FRMD4A: variants seen among roughly 807,000 people sequenced by gnomAD.
The protein encoded by FRMD4A is FERM domain-containing protein 4A.
FRMD4A carries 29 observed loss-of-function variants against 129.1 expected under a neutral mutation model. The observed-to-expected ratio is 0.22, with a 90% confidence interval of 0.17 to 0.31. The LOEUF (loss-of-function observed/expected upper bound fraction) is 0.31. Among genes scored for constraint, FRMD4A ranks in the 10% least tolerant of loss-of-function variants. The probability of loss-of-function intolerance (pLI) is 1.00; values close to 1 mark genes in which losing one functional copy is unlikely to be tolerated. For missense variants in FRMD4A, 1,272 were observed against 1,375.8 expected, an observed-to-expected ratio of 0.92 and a Z score of 1.19; for synonymous variants, 634 against 571.6, an observed-to-expected ratio of 1.11 and a Z score of -1.56.
At chr10:14,157,593 C>G (rs1840667145) in intron 2 of FRMD4A, among the ~76,000 whole-genome samples, 1 of 152,176 alleles carries the variant, frequency 6.6e-6, no homozygotes, top group Non-Finnish European at 1.5e-5. Context: ...CAGAGTCCAG[C>G]CAACACAGCC....
At chr10:14,066,306 G>C (rs546480922) in intron 2 of FRMD4A, among the ~76,000 whole-genome samples, 1 of 151,918 alleles carries the variant, frequency 6.6e-6, no homozygotes, top group African/African-American at 2.4e-5. Context: ...ACTTCCTCTT[G>C]GTGGGGGGTG....
intron 2 of FRMD4A, among the ~76,000 whole-genome samples, chr10:14,262,939 A>G (rs1450623314): frequency 6.6e-6 from 1 of 152,192 alleles, no homozygotes; most frequent in Non-Finnish European, 1.5e-5. Flanking sequence ...GCAAGCCATG[A>G]AAGAAGCAAA....
rs926149161 is a variant in FRMD4A at position 13,963,290 on chromosome 10, T to C, written c.46-104378A>G. Among the ~76,000 whole-genome samples, 49 of 84,750 alleles carry C rather than the reference T, an allele frequency of 5.8e-4. 1 individual carries two copies. Among genetic ancestry groups the C allele is most frequent in the African/African-American group, 2.1e-3 (47 of 22,586 alleles). The allele number at this position is 84,750 out of a possible 152,430, so 55.6% of individuals were successfully genotyped here. A position where few individuals can be genotyped will look rare whatever the true frequency, so the allele number is the denominator to read the frequency against. ...GCCTCTTTTTTTTTTTTTTTTTTTT[T>C]CAACCACATATGTTGTAGATAATCA... On this transcript the variant is annotated intron_variant, in intron 2 of 24. Transcript: ENST00000357447.
At chr10:13,805,862 ATT>A (rs11339023) in intron 4 of FRMD4A, among the ~76,000 whole-genome samples, 92 of 145,626 alleles carry the variant, frequency 6.3e-4, no homozygotes, top group African/African-American at 7.9e-4. Context: ...CTAATTTTTA[ATT>A]TTTTTTTTTT....
At chr10:13,850,432 T>C (rs1284155974) in intron 3 of FRMD4A, among the ~76,000 whole-genome samples, 2 of 152,280 alleles carry the variant, frequency 1.3e-5, no homozygotes, top group East Asian at 1.9e-4. Context: ...AAGGCGACCA[T>C]TATTTCATCC....
chr10:13,850,307 A>G (rs767037975), intron 3 of FRMD4A, among the ~76,000 whole-genome samples: 1 of 152,184 alleles, frequency 6.6e-6, no homozygotes, highest in Non-Finnish European at 1.5e-5. Context: ...AGCCCATAAT[A>G]GCCCAGACTA....
At chr10:13,786,344 C>T (rs895112778) in intron 5 of FRMD4A, among the ~76,000 whole-genome samples, 3 of 152,202 alleles carry the variant, frequency 2.0e-5, no homozygotes, top group African/African-American at 7.2e-5. Context: ...GTAGCTCATG[C>T]CTGTAATCCC....
chr10:14,022,084 G>T (rs1325160721), intron 2 of FRMD4A, among the ~76,000 whole-genome samples: 1 of 152,158 alleles, frequency 6.6e-6, no homozygotes, highest in Non-Finnish European at 1.5e-5. Flanking sequence ...TGCCATGGAG[G>T]TTACAAAGGT....
At chr10:13,659,567 A>C in intron 20 of FRMD4A, 77 bp from the exon 21 acceptor site, 4 of 1,419,636 alleles carry the variant, frequency 2.8e-6, no homozygotes, top group Non-Finnish European at 3.9e-6. Flanking sequence ...GTTCAGGACA[A>C]TGATCCCAGC....
chr10:14,189,760 C>T (rs1450959345), intron 2 of FRMD4A, among the ~76,000 whole-genome samples: 1 of 152,204 alleles, frequency 6.6e-6, no homozygotes, highest in Non-Finnish European at 1.5e-5. Context: ...CCATAAACTT[C>T]TGACTGCCAC....
chr10:14,243,038 A>G (rs1485271033), intron 2 of FRMD4A, among the ~76,000 whole-genome samples: 5 of 119,338 alleles, frequency 4.2e-5, no homozygotes, highest in Admixed American at 9.6e-5. Flanking sequence ...CTGTCTGTCT[A>G]TCTATCTGTC....
At chr10:13,679,914 A>G (rs1453700882) in intron 15 of FRMD4A, among the ~76,000 whole-genome samples, 4 of 152,186 alleles carry the variant, frequency 2.6e-5, no homozygotes, top group Non-Finnish European at 5.9e-5. Context: ...AAAGGGCGTC[A>G]GGAGAGGGAG....
At chr10:13,843,465 T>C (rs1167100841) in intron 3 of FRMD4A, among the ~76,000 whole-genome samples, 1 of 152,190 alleles carries the variant, frequency 6.6e-6, no homozygotes, top group Non-Finnish European at 1.5e-5. Flanking sequence ...ATTTCCTCTA[T>C]GATAAAAAGA....
At chr10:13,860,175 G>A (rs531527206) in intron 2 of FRMD4A, among the ~76,000 whole-genome samples, 217 of 152,198 alleles carry the variant, frequency 1.4e-3, no homozygotes, top group African/African-American at 4.6e-3. Context: ...CCTTTACTGC[G>A]TCCGATTTCA....
At chr10:13,804,985 AAACT>A (rs1209852326) in intron 4 of FRMD4A, among the ~76,000 whole-genome samples, 1 of 152,202 alleles carries the variant, frequency 6.6e-6, no homozygotes, top group African/African-American at 2.4e-5. Context: ...CTAGGTTCTT[AAACT>A]AACATCCTGG....
chr10:14,265,417 T>A (rs1185537591), intron 2 of FRMD4A, among the ~76,000 whole-genome samples: 1 of 152,254 alleles, frequency 6.6e-6, no homozygotes, highest in African/African-American at 2.4e-5. Flanking sequence ...AAAGTTTCCA[T>A]AAAGATCCAA....
At chr10:14,247,359 G>C (rs967429444) in intron 2 of FRMD4A, among the ~76,000 whole-genome samples, 2 of 152,212 alleles carry the variant, frequency 1.3e-5, no homozygotes, top group Non-Finnish European at 2.9e-5. Context: ...CTGGAATATA[G>C]ACATTTACAC....
At chr10:14,012,298 G>A (rs139394291) in intron 2 of FRMD4A, among the ~76,000 whole-genome samples, 1 of 152,162 alleles carries the variant, frequency 6.6e-6, no homozygotes, top group Non-Finnish European at 1.5e-5. Context: ...CACACTTAAG[G>A]CTGGCAAAGC....
chr10:13,698,998 G>A (rs2086515288), intron 14 of FRMD4A, among the ~76,000 whole-genome samples: 1 of 150,046 alleles, frequency 6.7e-6, no homozygotes, highest in Non-Finnish European at 1.5e-5. Context: ...ATGCTATGGG[G>A]CATTTGGTTT....
Sources: gnomAD v4.1 joint callset for allele counts (sites outside exome capture counted in the v4.1 genomes callset) on GRCh38, gnomAD v4.1.1 for gene constraint, MANE v1.5 for transcripts, NCBI Gene and HGNC (gene_info 2026-07-23, HGNC 2026-07-21) for gene names.